Variants in AAMDC observed in about 807,000 individuals in gnomAD.
AAMDC encodes mth938 domain-containing protein.
In AAMDC, 16 loss-of-function variants were observed where a neutral mutation model predicts 15.5. The ratio of observed to expected loss-of-function variants is 1.03; its 90% CI spans 0.70 to 1.57. The LOEUF is 1.57. Ranked by LOEUF, AAMDC falls within the 40% of genes most tolerant of loss-of-function variation. The pLI is 0.00. For missense variants in AAMDC, 141 were observed against 144.9 expected (o/e 0.97, Z 0.14); for synonymous variants, 51 against 51.6 (o/e 0.99, Z 0.05).
chr11:77,857,948 GC>G (rs1950698113), intron 2 of AAMDC, among the ~76,000 whole-genome samples: 1 of 152,014 alleles, frequency 6.6e-6, no homozygotes, highest in African/African-American at 2.4e-5. Context: ...GCCCACATTG[GC>G]CCCCAAAGTG....
At chr11:77,855,089 G>T (rs534538969) in intron 2 of AAMDC, among the ~76,000 whole-genome samples, 50 of 152,190 alleles carry the variant, frequency 3.3e-4, no homozygotes, top group Non-Finnish European at 5.9e-4. Flanking sequence ...TGGCCGTGAT[G>T]CAGGGTGCTA....
At chr11:77,862,249 A>G (rs774810489) in intron 2 of AAMDC, among the ~76,000 whole-genome samples, 2 of 152,142 alleles carry the variant, frequency 1.3e-5, no homozygotes, top group Non-Finnish European at 2.9e-5. Context: ...CTGAGATACC[A>G]GAGATCGCCA....
intron 2 of AAMDC, among the ~76,000 whole-genome samples, chr11:77,866,908 TCAGCTCACTG>T (rs2136285609): frequency 6.6e-6 from 1 of 152,150 alleles, no homozygotes; most frequent in Admixed American, 6.5e-5. Context: ...TGGCACAATC[TCAGCTCACTG>T]CAACCTCCAC....
At position 77,883,757 on chromosome 11, in the gene AAMDC, A is replaced by C. The variant is rs1951881464; in HGVS notation, c.328+6708A>C. 5 of 1,507,940 alleles carry C rather than the reference A, an allele frequency of 3.3e-6. No individual in the cohort carries two copies. In the East Asian group the frequency reaches 1.2e-4, roughly 35 times the overall value. The allele number at this position is 1,507,940 out of a possible 1,614,324, so 93.4% of individuals were successfully genotyped here. The stretch of plus-strand genomic sequence containing the variant: ...CATCCATGTATTTTTTTCAAACTTT[A>C]AAAACCAAACGCTTAAGGGTAGGTG... On this transcript the variant is annotated intron_variant, in intron 5 of 5. Transcript: ENST00000304716.
intron 2 of AAMDC, among the ~76,000 whole-genome samples, chr11:77,861,634 G>A (rs562171200): frequency 5.1e-4 from 78 of 152,312 alleles, no homozygotes; most frequent in Admixed American, 1.5e-3. Flanking sequence ...GGGCATGGAC[G>A]AGGGGGCGGC....
intron 5 of AAMDC, chr11:77,894,149 G>A (rs1307229987): frequency 1.9e-6 from 1 of 520,206 alleles, no homozygotes; most frequent in African/African-American, 2.0e-5. Flanking sequence ...CTAATTTAAG[G>A]TTAACGACAT....
chr11:77,899,318 A>C (rs1952673146), intron 5 of AAMDC, among the ~76,000 whole-genome samples: 1 of 152,140 alleles, frequency 6.6e-6, no homozygotes, highest in South Asian at 2.1e-4. Flanking sequence ...GGAGGAAAAA[A>C]GAAAACAATC....
chr11:77,875,418 A>G (rs1017995478), downstream of AAMDC, among the ~76,000 whole-genome samples: 2 of 152,232 alleles, frequency 1.3e-5, no homozygotes, highest in East Asian at 1.9e-4. Context: ...GTAGTTACCA[A>G]GGTTTTTTAA....
chr11:77,899,100 T>C (rs1177703029), intron 5 of AAMDC, among the ~76,000 whole-genome samples: 1 of 152,126 alleles, frequency 6.6e-6, no homozygotes, highest in Non-Finnish European at 1.5e-5. Flanking sequence ...GAGGAAGAGA[T>C]AGGTACTACT....
chr11:77,894,997 T>G (rs980262550), intron 5 of AAMDC, among the ~76,000 whole-genome samples: 2 of 152,224 alleles, frequency 1.3e-5, no homozygotes, highest in Non-Finnish European at 2.9e-5. Flanking sequence ...ACCTAAAAAG[T>G]TAACTAAATT....
At position 77,842,636 on chromosome 11, in the gene AAMDC, A is replaced by G; in HGVS notation, c.132+8A>G. 1.2e-6 allele frequency: 2 copies of G among 1,613,570 alleles called. No homozygotes were observed. The highest frequency in any genetic ancestry group is 1.7e-6 in the Non-Finnish European group (2 of 1,179,854). On this transcript the variant is annotated splice_region_variant and intron_variant, in intron 2 of 3. Coordinates refer to ENST00000393427, the MANE Select transcript of AAMDC (RefSeq NM_024684.4). ...AGAGAAACAGGAACTGAGGTAAGAT[A>G]TTAGTCTTTGGTTGATACTACATGA...
intron 1 of AAMDC, among the ~76,000 whole-genome samples, chr11:77,834,861 C>T (rs765966369): frequency 5.3e-5 from 8 of 152,098 alleles, no homozygotes; most frequent in Non-Finnish European, 1.0e-4. Context: ...CAAATCTCAC[C>T]TTTACCACTC....
At chr11:77,872,013 C>T (rs1405274214) in intron 3 of AAMDC, 162 bp from the exon 4 acceptor site, 15 of 565,556 alleles carry the variant, frequency 2.7e-5, no homozygotes, top group Non-Finnish European at 2.0e-5. Flanking sequence ...CTTTTTGACT[C>T]ATTGGGGCTC....
chr11:77,848,426 C>T (rs1293387082), intron 2 of AAMDC, among the ~76,000 whole-genome samples: 3 of 151,214 alleles, frequency 2.0e-5, no homozygotes, highest in East Asian at 2.0e-4. Context: ...GGCGTGATCT[C>T]GGCACACTGC....
intron 2 of AAMDC, 27 bp from the exon 3 acceptor site, chr11:77,869,695 C>T (rs1194884643): frequency 1.2e-6 from 2 of 1,601,318 alleles, no homozygotes; most frequent in African/African-American, 2.7e-5. Context: ...GAGCAGGTAC[C>T]TGTCTACTTT....
chr11:77,846,305 G>T (rs889791718), intron 2 of AAMDC, among the ~76,000 whole-genome samples: 2 of 152,082 alleles, frequency 1.3e-5, no homozygotes, highest in African/African-American at 4.8e-5. Context: ...ATCTTTTGAG[G>T]TCAATTTCTT....
Position 77,825,547 on chromosome 11 carries a change from A to AC in AAMDC, c.-19+4306_-19+4307insC, listed in dbSNP as rs576971140. ...CTCTTTGAGATAGTTTAATAAGAAG[A>AC]TGTATGAAAATAAAAGGAAGCCCTA... On this transcript the variant is annotated intron_variant, in intron 1 of 3. Transcript: ENST00000393427. 8.3e-4 allele frequency among the ~76,000 whole-genome samples: 126 copies of AC among 152,260 alleles called. 1 individual carries two copies. The highest frequency in any genetic ancestry group is 3.0e-3 in the African/African-American group (125 of 41,536).
chr11:77,837,508 G>A (rs1565199497), intron 1 of AAMDC, among the ~76,000 whole-genome samples: 2 of 152,046 alleles, frequency 1.3e-5, no homozygotes, highest in Non-Finnish European at 2.9e-5. Flanking sequence ...AGGCTGGAGT[G>A]CAGTGGTGCG....
In AAMDC at chr11:77,821,172, G is replaced by A. The variant is rs1001252996; in HGVS notation, c.-88G>A. 31 of 373,328 alleles carry A rather than the reference G, an allele frequency of 8.3e-5. No individual in the cohort carries two copies. The highest frequency in any genetic ancestry group is 3.8e-4 in the Admixed American group (9 of 23,758). The allele number at this position is 373,328 out of a possible 1,614,324, so 23.1% of individuals were successfully genotyped here. A position where few individuals can be genotyped will look rare whatever the true frequency, so the allele number is the denominator to read the frequency against. ...TGGGGAGCGCAGATCCCGAAGCAGC[G>A]CTGGGAGCGTAAGTGCGGGCAGAGC... On this transcript the variant is annotated 5_prime_UTR_variant, in exon 1 of 4. Transcript: ENST00000393427.
Sources: gnomAD v4.1 joint callset for allele counts (sites outside exome capture counted in the v4.1 genomes callset) on GRCh38, gnomAD v4.1.1 for gene constraint, MANE v1.5 for transcripts, NCBI Gene and HGNC (gene_info 2026-07-23, HGNC 2026-07-21) for gene names.